The following NT5DC3 variants were observed in gnomAD, a reference collection of about 807,000 sequenced individuals.
NT5DC3 encodes the protein 5'-nucleotidase domain-containing protein 3.
In NT5DC3, 42 loss-of-function variants were observed where a neutral mutation model predicts 67.8. The ratio of observed to expected loss-of-function variants is 0.62; its 90% CI spans 0.48 to 0.80. The LOEUF (loss-of-function observed/expected upper bound fraction) is 0.80, where lower values mean the gene tolerates loss of function less well. NT5DC3 is among the 30% of genes least tolerant of loss of function. The pLI is 0.00. For synonymous variants in NT5DC3, 237 were observed against 255.6 expected (o/e 0.93, Z 0.69); for missense variants, 570 against 696.4 (o/e 0.82, Z 2.04).
intron 11 of NT5DC3, 186 bp from the exon 12 acceptor site, chr12:103,785,661 C>G: frequency 1.5e-6 from 1 of 664,920 alleles, no homozygotes; most frequent in Non-Finnish European, 2.7e-6. Flanking sequence ...TTGATCATTT[C>G]ATTCCAAGAA....
intron 9 of NT5DC3, among the ~76,000 whole-genome samples, chr12:103,789,580 C>T (rs1370777): frequency 0.38 from 58,479 of 152,076 alleles, 12,288 homozygotes; most frequent in East Asian, 0.88. Context: ...CCCGGATTTA[C>T]TTGACCAGGC....
chr12:103,807,641 C>T (rs976956008), intron 2 of NT5DC3, among the ~76,000 whole-genome samples: 6 of 152,228 alleles, frequency 3.9e-5, no homozygotes, highest in Non-Finnish European at 8.8e-5. Context: ...CTATCCAGCA[C>T]TCTGTCTCAG....
chr12:103,821,898 T>C (rs1451340175), intron 1 of NT5DC3: 1 of 152,236 alleles, frequency 6.6e-6, no homozygotes, highest in Non-Finnish European at 1.5e-5. Flanking sequence ...CTCCAACATA[T>C]GCTGTAGCTG....
intron 2 of NT5DC3, 124 bp from the exon 3 acceptor site, chr12:103,807,053 G>A: frequency 3.2e-6 from 2 of 628,140 alleles, no homozygotes; most frequent in Middle Eastern, 2.9e-4. Flanking sequence ...GGGTCAGAAG[G>A]GGCAGACCAC....
intron 4 of NT5DC3, among the ~76,000 whole-genome samples, chr12:103,801,470 C>G (rs1006869289): frequency 2.7e-5 from 4 of 149,346 alleles, no homozygotes; most frequent in Non-Finnish European, 5.9e-5. Context: ...GCAAGCTCCA[C>G]CTCCCAGGTT....
chr12:103,761,768 C>T, the NT5DC3 span, among the ~76,000 whole-genome samples: 1 of 152,192 alleles, frequency 6.6e-6, no homozygotes, highest in Non-Finnish European at 1.5e-5. Context: ...AAATGGGGCT[C>T]ATAATGCCTC....
At chr12:103,759,395 G>A in the NT5DC3 span, 1 of 1,395,456 alleles carries the variant, frequency 7.2e-7, no homozygotes, top group African/African-American at 1.4e-5. Context: ...CCTGCAGATA[G>A]GGGACGGTGT....
chr12:103,827,745 T>C (rs1887754329), intron 1 of NT5DC3, among the ~76,000 whole-genome samples: 1 of 152,244 alleles, frequency 6.6e-6, no homozygotes, highest in Admixed American at 6.5e-5. Context: ...ATCAATCAGC[T>C]AGCCTCTCTT....
At chr12:103,818,780 G>A (rs11111798) in intron 1 of NT5DC3, among the ~76,000 whole-genome samples, 1 of 152,178 alleles carries the variant, frequency 6.6e-6, no homozygotes, top group African/African-American at 2.4e-5. Flanking sequence ...TTCTAGGGAA[G>A]AGGAGAAGCT....
At chr12:103,801,395 T>TTTTTTTTTTTTTTTTTTTTTTGTG (rs1886571905) in intron 4 of NT5DC3, among the ~76,000 whole-genome samples, 1 of 118,432 alleles carries the variant, frequency 8.4e-6, no homozygotes, top group African/African-American at 3.1e-5. Flanking sequence ...TTTTTTTTTT[T>TTTTTTTTTTTTTTTTTTTTTTGTG]TTTTTGAGAC....
intron 6 of NT5DC3, among the ~76,000 whole-genome samples, chr12:103,796,142 C>A (rs1452611548): frequency 1.3e-5 from 2 of 152,176 alleles, no homozygotes; most frequent in African/African-American, 4.8e-5. Flanking sequence ...CCTTTGTAGG[C>A]AAAGGAAAAA....
chr12:103,838,051 G>A (rs879550825), intron 1 of NT5DC3, among the ~76,000 whole-genome samples: 33 of 152,164 alleles, frequency 2.2e-4, no homozygotes, highest in African/African-American at 7.2e-4. Flanking sequence ...GAATCATGGC[G>A]GGAGGTGAAA....
At chr12:103,764,418 T>C in the NT5DC3 span, among the ~76,000 whole-genome samples, 1 of 152,182 alleles carries the variant, frequency 6.6e-6, no homozygotes, top group East Asian at 1.9e-4. Flanking sequence ...GGACCATTTA[T>C]CTCTAGAGTC....
intron 9 of NT5DC3, among the ~76,000 whole-genome samples, chr12:103,792,030 G>A (rs536883265): frequency 3.9e-5 from 6 of 152,164 alleles, no homozygotes; most frequent in Non-Finnish European, 8.8e-5. Flanking sequence ...CCTCTAATAA[G>A]CGCTTTGCAC....
the NT5DC3 span, among the ~76,000 whole-genome samples, chr12:103,762,088 T>C: frequency 2.6e-5 from 4 of 152,332 alleles, no homozygotes; most frequent in East Asian, 7.7e-4. Flanking sequence ...TTTGGGTTAT[T>C]ATCACACTTC....
intron 1 of NT5DC3, among the ~76,000 whole-genome samples, chr12:103,820,072 G>A (rs1250051365): frequency 6.6e-6 from 1 of 152,154 alleles, no homozygotes; most frequent in Non-Finnish European, 1.5e-5. Flanking sequence ...CCATGGTGTA[G>A]CATATGTCAG....
At chr12:103,761,335 G>A in the NT5DC3 span, 1 of 1,614,120 alleles carries the variant, frequency 6.2e-7, no homozygotes. Context: ...GAGCCATTCT[G>A]CAGTGGGACA....
At chr12:103,763,521 T>C in the NT5DC3 span, 1 of 1,614,104 alleles carries the variant, frequency 6.2e-7, no homozygotes, top group Non-Finnish European at 8.5e-7. Context: ...TTGCAGCTCT[T>C]GGCAAGCAGC....
chr12:103,771,366 A>AT (rs772772907), downstream of NT5DC3: 25 of 152,218 alleles, frequency 1.6e-4, no homozygotes, highest in African/African-American at 5.5e-4. Context: ...TGTCACAAAA[A>AT]TTTTTTGTGG....
Sources: allele counts gnomAD v4.1 joint callset (sites outside exome capture counted in the v4.1 genomes callset), GRCh38; gene constraint gnomAD v4.1.1; transcripts MANE v1.5; gene names NCBI Gene and HGNC (gene_info 2026-07-23, HGNC 2026-07-21).